Variants in DCC observed in about 807,000 individuals in gnomAD.
The protein encoded by DCC is DCC netrin 1 receptor.
Under a neutral mutation model 172.5 loss-of-function variants are expected in DCC, and 58 were observed. That is an observed-to-expected ratio of 0.34 (90% CI 0.27 to 0.42). The LOEUF is 0.42. Ranked by LOEUF, DCC falls within the 10% of genes least tolerant of loss-of-function variation. The probability of loss-of-function intolerance (pLI) is 1.00; values close to 1 mark genes in which losing one functional copy is unlikely to be tolerated. For missense variants in DCC, 1,740 were observed against 1,791.0 expected (o/e 0.97, Z 0.51); for synonymous variants, 709 against 644.5 (o/e 1.10, Z -1.52).
chr18:52,952,685 A>C (rs2040670619), intron 5 of DCC, among the ~76,000 whole-genome samples: 1 of 152,148 alleles, frequency 6.6e-6, no homozygotes, highest in South Asian at 2.1e-4. Context: ...ACAATCATTT[A>C]AATGATTTCT....
At chr18:52,555,542 C>T (rs953302216) in intron 1 of DCC, among the ~76,000 whole-genome samples, 1 of 152,078 alleles carries the variant, frequency 6.6e-6, no homozygotes, top group Non-Finnish European at 1.5e-5. Context: ...GATCTATTCA[C>T]TTCTGTTTTG....
intron 2 of DCC, among the ~76,000 whole-genome samples, chr18:52,794,092 G>A (rs1470448312): frequency 5.3e-5 from 8 of 152,006 alleles, no homozygotes; most frequent in Admixed American, 4.6e-4. Context: ...GATGCTTCTA[G>A]CTTTTTCCAT....
At chr18:53,082,576 A>G (rs969927341) in intron 7 of DCC, among the ~76,000 whole-genome samples, 1 of 152,198 alleles carries the variant, frequency 6.6e-6, no homozygotes, top group Non-Finnish European at 1.5e-5. Context: ...TTCAGTAACA[A>G]ATTAGTAAGT....
intron 5 of DCC, among the ~76,000 whole-genome samples, chr18:53,033,681 A>G (rs776436984): frequency 1.6e-4 from 25 of 152,054 alleles, no homozygotes; most frequent in Admixed American, 2.0e-4. Flanking sequence ...ATCATTCTCA[A>G]CCACATACAA....
chr18:52,976,714 G>C (rs986315491), intron 5 of DCC, among the ~76,000 whole-genome samples: 3 of 152,050 alleles, frequency 2.0e-5, no homozygotes, highest in African/African-American at 7.2e-5. Context: ...TTAGCCCAAT[G>C]GTTTCTTCCC....
intron 10 of DCC, among the ~76,000 whole-genome samples, chr18:53,207,229 G>A (rs2055666807): frequency 6.6e-6 from 1 of 152,162 alleles, no homozygotes; most frequent in African/African-American, 2.4e-5. Flanking sequence ...AGCATTTTGG[G>A]AGATAAAAAT....
At chr18:52,917,137 C>CAA (rs146388621) in intron 3 of DCC, among the ~76,000 whole-genome samples, 26 of 94,814 alleles carry the variant, frequency 2.7e-4, no homozygotes, top group African/African-American at 7.8e-4. Flanking sequence ...AAAAAGAAAA[C>CAA]AAAAAAAAAA....
chr18:53,489,880 T>C (rs1406947118), intron 26 of DCC, among the ~76,000 whole-genome samples: 3 of 152,180 alleles, frequency 2.0e-5, no homozygotes, highest in African/African-American at 7.2e-5. Flanking sequence ...TTAGCCTCAA[T>C]AAGCAAATGA....
At chr18:52,597,339 C>T (rs531376963) in intron 1 of DCC, among the ~76,000 whole-genome samples, 1 of 152,280 alleles carries the variant, frequency 6.6e-6, no homozygotes, top group African/African-American at 2.4e-5. Flanking sequence ...TTCATGCTCA[C>T]TTGATTTCCA....
At chr18:52,795,824 C>T (rs1210646192) in intron 2 of DCC, among the ~76,000 whole-genome samples, 2 of 151,752 alleles carry the variant, frequency 1.3e-5, no homozygotes, top group Non-Finnish European at 2.9e-5. Context: ...CATTTTATTT[C>T]CTTAATTTCT....
rs535430374 is a variant in DCC at position 53,212,860 on chromosome 18, T to C, written c.1862-2688T>C. ...TAATTTTTTGTATTTTTAATAGAGA[T>C]AGATTTTCACCTTATTTGCCAAGCT... On this transcript the variant is annotated intron_variant, in intron 11 of 28. Transcript: ENST00000442544. Among the ~76,000 whole-genome samples the C allele has an allele frequency of 7.2e-5, 11 of 152,118 alleles. 1 individual carries two copies. The South Asian group carries it at 1.9e-3, about 26-fold the overall frequency.
intron 27 of DCC, among the ~76,000 whole-genome samples, chr18:53,514,820 C>G (rs1373292452): frequency 1.3e-5 from 2 of 151,842 alleles, no homozygotes; most frequent in Admixed American, 1.3e-4. Flanking sequence ...GCTTACCAAC[C>G]AAAAAGAGTC....
intron 7 of DCC, among the ~76,000 whole-genome samples, chr18:53,108,838 G>A (rs995422155): frequency 1.3e-5 from 2 of 151,504 alleles, no homozygotes; most frequent in African/African-American, 4.8e-5. Context: ...CCAATGATGG[G>A]TGTTTGGATT....
At chr18:53,307,854 C>T (rs1231139337) in intron 13 of DCC, among the ~76,000 whole-genome samples, 1 of 137,310 alleles carries the variant, frequency 7.3e-6, no homozygotes, top group Non-Finnish European at 1.5e-5. Context: ...GCTTGTGGGA[C>T]AGAAAATGTC....
chr18:53,318,979 T>C (rs2057375978), intron 13 of DCC, among the ~76,000 whole-genome samples: 1 of 152,162 alleles, frequency 6.6e-6, no homozygotes, highest in Non-Finnish European at 1.5e-5. Context: ...AGGAAAAGAA[T>C]TGGCAACCCA....
At chr18:52,867,235 G>T (rs372404726) in intron 2 of DCC, among the ~76,000 whole-genome samples, 1 of 152,232 alleles carries the variant, frequency 6.6e-6, no homozygotes, top group Non-Finnish European at 1.5e-5. Context: ...AAGCTGACTT[G>T]ATCCTGGTGG....
chr18:52,890,102 A>G (rs945774972), intron 2 of DCC, among the ~76,000 whole-genome samples: 2 of 152,148 alleles, frequency 1.3e-5, no homozygotes, highest in Non-Finnish European at 2.9e-5. Context: ...AGATCTATGC[A>G]ATATCAACAA....
intron 2 of DCC, among the ~76,000 whole-genome samples, chr18:52,775,025 G>T (rs963346767): frequency 6.6e-6 from 1 of 152,096 alleles, no homozygotes; most frequent in Non-Finnish European, 1.5e-5. Flanking sequence ...TTTAAAGCCC[G>T]GTGAAGGGAA....
chr18:52,467,862 G>A (rs1039816757), intron 1 of DCC, among the ~76,000 whole-genome samples: 1 of 152,106 alleles, frequency 6.6e-6, no homozygotes, highest in Non-Finnish European at 1.5e-5. Flanking sequence ...AGAAGTGTCT[G>A]TTCAGACCCT....
Sources: gnomAD v4.1 joint callset for allele counts (sites outside exome capture counted in the v4.1 genomes callset) on GRCh38, gnomAD v4.1.1 for gene constraint, MANE v1.5 for transcripts, NCBI Gene and HGNC (gene_info 2026-07-23, HGNC 2026-07-21) for gene names.